Variants in NSG1 observed in about 807,000 individuals in gnomAD.
The protein encoded by NSG1 is neuronal vesicle trafficking associated 1, also known as neuronal vesicle trafficking-associated protein 1.
Under a neutral mutation model 19.3 loss-of-function variants are expected in NSG1, and 9 were observed. The observed-to-expected ratio is 0.47, with a 90% CI of 0.28 to 0.81. NSG1 has a LOEUF of 0.81. Among genes scored for constraint, NSG1 ranks in the 40% least tolerant of loss-of-function variants. NSG1 has a pLI of 0.11. For missense variants in NSG1, 236 were observed against 242.4 expected, an observed-to-expected ratio of 0.97 and a Z score of 0.18; for synonymous variants, 104 against 107.0, an observed-to-expected ratio of 0.97 and a Z score of 0.17.
intron 1 of NSG1, among the ~76,000 whole-genome samples, 156 bp from the exon 2 acceptor site, chr4:4,387,448 G>T (rs1722780137): frequency 6.6e-6 from 1 of 152,098 alleles, no homozygotes; most frequent in African/African-American, 2.4e-5. Context: ...CCCCGCATCG[G>T]GCCGTGACCA....
intron 3 of NSG1, among the ~76,000 whole-genome samples, chr4:4,407,004 G>T (rs1329554112): frequency 6.6e-6 from 1 of 152,244 alleles, no homozygotes; most frequent in South Asian, 2.1e-4. Context: ...GGTGCTGTGC[G>T]CTGGCCTGTG....
At chr4:4,409,054 G>A (rs1032068925) in intron 3 of NSG1, among the ~76,000 whole-genome samples, 1 of 152,270 alleles carries the variant, frequency 6.6e-6, no homozygotes, top group African/African-American at 2.4e-5. Context: ...CGCCGAGGGC[G>A]AAGGCCAATG....
intron 3 of NSG1, among the ~76,000 whole-genome samples, chr4:4,403,123 G>A (rs770421766): frequency 8.5e-5 from 13 of 152,210 alleles, no homozygotes; most frequent in Admixed American, 2.0e-4. Context: ...CTCGCTGAAC[G>A]TGCAGGAGGC....
In NSG1 at chr4:4,392,519, G is replaced by T. The variant is rs542617080; in HGVS notation, c.246+928G>T. On this transcript the variant is annotated intron_variant, in intron 3 of 4. Coordinates refer to ENST00000621129, the MANE Select transcript of NSG1 (RefSeq NM_014392.5). Reference sequence around the variant, plus strand: ...CGCTGCAGTTTCCAGAGCCCCTGTGGGTATGGCATCATATTGGATCTCTGT... The same window carrying T: ...CGCTGCAGTTTCCAGAGCCCCTGTGTGTATGGCATCATATTGGATCTCTGT... 4.9e-4 allele frequency among the ~76,000 whole-genome samples: 74 copies of T among 152,276 alleles called. No individual in the cohort carries two copies. In the Middle Eastern group the frequency reaches 0.01, roughly 21 times the overall value.
chr4:4,394,940 A>G (rs577396516), intron 3 of NSG1, among the ~76,000 whole-genome samples: 2 of 152,290 alleles, frequency 1.3e-5, no homozygotes, highest in East Asian at 3.9e-4. Context: ...CAGACAGGTG[A>G]CCTGCTCAAG....
At chr4:4,402,011 G>C (rs1168008160) in intron 3 of NSG1, among the ~76,000 whole-genome samples, 1 of 150,826 alleles carries the variant, frequency 6.6e-6, no homozygotes, top group African/African-American at 2.4e-5. Flanking sequence ...CTCCTGAGCA[G>C]CTGGGACCAC....
intron 4 of NSG1, among the ~76,000 whole-genome samples, chr4:4,411,785 AAAC>A (rs1226217531): frequency 2.1e-5 from 2 of 94,874 alleles, no homozygotes; most frequent in South Asian, 5.3e-4. Flanking sequence ...AAACAAAACA[AAAC>A]AAAACATTGC....
Position 4,404,628 on chromosome 4 carries a change from A to G in NSG1, c.247-4945A>G, listed in dbSNP as rs192692041. On this transcript the variant is annotated intron_variant, in intron 3 of 4. Coordinates refer to ENST00000621129, the MANE Select transcript of NSG1 (RefSeq NM_014392.5). ...GATCATGGCATGTTGTTGTAGAGGA[A>G]GCTTAAAAGATACTGCAAGGTCCTG... Among the ~76,000 whole-genome samples the G allele has an allele frequency of 1.8e-3, 281 of 152,342 alleles. 1 individual carries two copies. Among genetic ancestry groups the G allele is most frequent in the Non-Finnish European group, 3.4e-3 (231 of 68,032 alleles).
intron 3 of NSG1, among the ~76,000 whole-genome samples, chr4:4,393,682 G>T (rs1723107558): frequency 6.6e-6 from 1 of 152,168 alleles, no homozygotes; most frequent in Non-Finnish European, 1.5e-5. Context: ...GCCCTGAAGG[G>T]GTGGCATCGG....
chr4:4,411,270 A>T (rs536168985), intron 4 of NSG1, among the ~76,000 whole-genome samples: 58 of 152,356 alleles, frequency 3.8e-4, no homozygotes, highest in African/African-American at 7.2e-4. Flanking sequence ...CTATTAAAAA[A>T]TTTTTTAATT....
chr4:4,398,556 A>C (rs183321331), intron 3 of NSG1, among the ~76,000 whole-genome samples: 3 of 152,204 alleles, frequency 2.0e-5, no homozygotes, highest in African/African-American at 7.2e-5. Flanking sequence ...GTGACCATCT[A>C]TCTGGCCTCT....
chr4:4,387,773 G>C lies in NSG1; in HGVS notation c.129+15G>C, dbSNP rs764301647. 3.2e-6 allele frequency: 5 copies of C among 1,585,726 alleles called. No individual in the cohort carries two copies. Among genetic ancestry groups the C allele is most frequent in the Non-Finnish European group, 3.5e-6 (4 of 1,156,086 alleles). On this transcript the variant is annotated intron_variant, in intron 2 of 4. Transcript: ENST00000621129. ...CCCCGGATAAGGTAAGCCCCCCCAC[G>C]CCCCTCCACGTTGCCGGGTGTGCAC...
At chr4:4,408,985 C>G (rs1724016556) in intron 3 of NSG1, among the ~76,000 whole-genome samples, 1 of 152,258 alleles carries the variant, frequency 6.6e-6, no homozygotes, top group South Asian at 2.1e-4. Context: ...CTCAGCATAC[C>G]ATGGTGAAGA....
At chr4:4,411,373 C>T (rs1042787349) in intron 4 of NSG1, among the ~76,000 whole-genome samples, 6 of 152,170 alleles carry the variant, frequency 3.9e-5, no homozygotes, top group African/African-American at 7.2e-5. Flanking sequence ...ACAGTATCAC[C>T]GCCTTCTGCC....
intron 3 of NSG1, among the ~76,000 whole-genome samples, chr4:4,403,672 G>A (rs890894467): frequency 2.0e-5 from 3 of 152,172 alleles, no homozygotes; most frequent in Non-Finnish European, 2.9e-5. Flanking sequence ...CTTTAGGGCC[G>A]TTATTCAGCC....
intron 3 of NSG1, among the ~76,000 whole-genome samples, chr4:4,395,442 C>A (rs1227644615): frequency 6.6e-6 from 1 of 152,174 alleles, no homozygotes; most frequent in East Asian, 1.9e-4. Context: ...CTGGAATGTT[C>A]TCCCAGCTTT....
At chr4:4,394,859 T>C (rs962229655) in intron 3 of NSG1, among the ~76,000 whole-genome samples, 2 of 152,180 alleles carry the variant, frequency 1.3e-5, no homozygotes, top group Non-Finnish European at 2.9e-5. Flanking sequence ...GCTCATTGGA[T>C]TGAAGCCTCT....
intron 3 of NSG1, among the ~76,000 whole-genome samples, 199 bp downstream of exon 3, chr4:4,391,790 C>T (rs918384681): frequency 1.3e-5 from 2 of 152,204 alleles, no homozygotes; most frequent in Non-Finnish European, 2.9e-5. Flanking sequence ...TTCTTTTCCT[C>T]TTCCAAAATG....
intron 3 of NSG1, among the ~76,000 whole-genome samples, chr4:4,401,324 C>T (rs1316673743): frequency 2.0e-5 from 3 of 152,178 alleles, no homozygotes; most frequent in African/African-American, 7.2e-5. Context: ...TCCTGGGGTC[C>T]TGAAACACCC....
Sources: gnomAD v4.1 joint callset for allele counts (sites outside exome capture counted in the v4.1 genomes callset) on GRCh38, gnomAD v4.1.1 for gene constraint, MANE v1.5 for transcripts, NCBI Gene and HGNC (gene_info 2026-07-23, HGNC 2026-07-21) for gene names.